SLC9A6: variants seen among roughly 807,000 people sequenced by gnomAD.
SLC9A6 encodes the protein sodium/hydrogen exchanger 6.
SLC9A6 carries 6 observed loss-of-function variants against 45.3 expected under a neutral mutation model. The observed-to-expected ratio is 0.13, with a 90% CI of 0.07 to 0.26. SLC9A6 has a LOEUF of 0.26. Ranked by LOEUF, SLC9A6 falls within the 10% of genes least tolerant of loss-of-function variation. The probability of loss-of-function intolerance (pLI) is 1.00; values close to 1 mark genes in which losing one functional copy is unlikely to be tolerated. For missense variants in SLC9A6, 278 were observed against 503.7 expected (o/e 0.55, Z 4.29); for synonymous variants, 191 against 187.7 (o/e 1.02, Z -0.14).
intron 2 of SLC9A6, among the ~76,000 whole-genome samples, chrX:135,988,447 TTCTC>T (rs1235917201): frequency 9.2e-6 from 1 of 108,914 alleles, no homozygotes; most frequent in Non-Finnish European, 1.9e-5. Context: ...CTTTCTTTCT[TTCTC>T]TCTCTTTTCT....
chrX:136,020,733 C>G (rs1195479784), intron 11 of SLC9A6, among the ~76,000 whole-genome samples: 3 of 112,232 alleles, frequency 2.7e-5, no homozygotes, highest in African/African-American at 9.7e-5. Context: ...AGTTATAATA[C>G]AACTTTTTTA....
intron 7 of SLC9A6, among the ~76,000 whole-genome samples, chrX:136,005,843 G>A (rs1417446132): frequency 1.8e-5 from 2 of 111,761 alleles, no homozygotes; most frequent in Non-Finnish European, 3.8e-5. Flanking sequence ...GGATGATAGC[G>A]AGCTAGTGCC....
chrX:136,016,938 G>A (rs904087730), intron 11 of SLC9A6, among the ~76,000 whole-genome samples, 180 bp downstream of exon 11: 2 of 110,878 alleles, frequency 1.8e-5, no homozygotes, highest in Non-Finnish European at 3.8e-5. Context: ...ATTTCAATTT[G>A]TGGTTATTGC....
chrX:135,982,238 C>T (rs1556614178), upstream of SLC9A6, among the ~76,000 whole-genome samples: 1 of 110,148 alleles, frequency 9.1e-6, no homozygotes, highest in African/African-American at 3.3e-5. Context: ...CAGACAATTC[C>T]TTTGAGAAGC....
In SLC9A6 at chrX:135,985,860, G is replaced by A. The variant is rs782266129; in HGVS notation, c.169+33G>A. On this transcript the variant is annotated intron_variant, in intron 2 of 17. Transcript: ENST00000630721. The stretch of plus-strand genomic sequence containing the variant: ...CCTCAACCCTTGTCAGCCCCTTGGC[G>A]CTGCCCCTTTCTCTGCCCGCCGGCT... 1.8e-5 allele frequency: 22 copies of A among 1,204,217 alleles called. No homozygotes were observed. In the Admixed American group the frequency reaches 3.9e-4, roughly 22 times the overall value.
intron 11 of SLC9A6, among the ~76,000 whole-genome samples, chrX:136,017,561 G>A (rs1371004656): frequency 9.0e-6 from 1 of 111,486 alleles, no homozygotes; most frequent in Non-Finnish European, 1.9e-5. Flanking sequence ...TTCACTGGAA[G>A]GAGAGACAAC....
intron 16 of SLC9A6, among the ~76,000 whole-genome samples, chrX:136,038,484 A>G (rs1054856184): frequency 7.2e-5 from 8 of 111,868 alleles, no homozygotes; most frequent in Non-Finnish European, 1.5e-4. Context: ...TTTATGAACA[A>G]TATTGGCTTG....
intron 2 of SLC9A6, among the ~76,000 whole-genome samples, chrX:135,992,350 A>C (rs985974094): frequency 8.9e-6 from 1 of 112,201 alleles, no homozygotes; most frequent in Admixed American, 9.5e-5. Flanking sequence ...GAATGCCTAC[A>C]GTAGCCCTGT....
intron 16 of SLC9A6, 111 bp downstream of exon 16, chrX:136,033,604 C>T (rs1432780588): frequency 7.4e-6 from 3 of 405,622 alleles, no homozygotes; most frequent in Non-Finnish European, 1.3e-5. Flanking sequence ...ATAAAACCTA[C>T]CTTTCATCTT....
intron 2 of SLC9A6, among the ~76,000 whole-genome samples, chrX:135,987,464 ATAAAG>A (rs1556615100): frequency 8.9e-6 from 1 of 111,797 alleles, no homozygotes; most frequent in Non-Finnish European, 1.9e-5. Flanking sequence ...AATGAGTATT[ATAAAG>A]TAATGAACTG....
At chrX:135,983,488 T>C (rs1481899498), upstream of SLC9A6, 2 of 107,586 alleles carry the variant, frequency 1.9e-5, no homozygotes, top group Non-Finnish European at 3.9e-5. Flanking sequence ...CAGTGCTGGA[T>C]GGAGAGAGAA....
intron 12 of SLC9A6, among the ~76,000 whole-genome samples, chrX:136,023,456 C>T (rs781861508): frequency 9.3e-6 from 1 of 107,496 alleles, no homozygotes; most frequent in East Asian, 3.0e-4. Flanking sequence ...CTATGGAATA[C>T]TACTGTGCAC....
At chrX:136,006,468 T>G (rs1468197453) in intron 7 of SLC9A6, among the ~76,000 whole-genome samples, 12 of 109,429 alleles carry the variant, frequency 1.1e-4, no homozygotes, top group Admixed American at 2.0e-4. Flanking sequence ...ACTGTTTTTT[T>G]TTTTTTTTTT....
chrX:136,035,041 ATTC>A (rs1344496451), intron 16 of SLC9A6, among the ~76,000 whole-genome samples: 4 of 111,992 alleles, frequency 3.6e-5, no homozygotes, highest in Non-Finnish European at 7.5e-5. Context: ...ATAATAGCTT[ATTC>A]TTCTGTATAT....
chrX:135,974,822 G>A (rs1192343725), intron 1 of SLC9A6: 2 of 297,767 alleles, frequency 6.7e-6, no homozygotes, highest in Non-Finnish European at 1.3e-5. Flanking sequence ...GGTGTAGCGC[G>A]GGGGGAGTGT....
At chrX:136,004,644 T>C (rs1324056871) in intron 7 of SLC9A6, among the ~76,000 whole-genome samples, 1 of 112,251 alleles carries the variant, frequency 8.9e-6, no homozygotes, top group Non-Finnish European at 1.9e-5. Context: ...AAACGTTGTA[T>C]GTGAAGATAT....
At position 136,026,447 on chromosome X, in the gene SLC9A6, C is replaced by T. The variant is rs2071226896; in HGVS notation, c.1460+1964C>T. ...GCTAATATCTGTAAAGTTCTTAGCA[C>T]AGCATTTCAAATTACCTTTTATTCA... is the stretch of plus-strand genomic sequence containing the variant. On this transcript the variant is annotated intron_variant, in intron 13 of 17. Transcript: ENST00000630721. Among the ~76,000 whole-genome samples the T allele has an allele frequency of 2.7e-5, 3 of 111,773 alleles. No individual in the cohort carries two copies. In the South Asian group the frequency reaches 1.1e-3, roughly 41 times the overall value.
At chrX:135,974,404 G>A (rs1421042611), upstream of SLC9A6, among the ~76,000 whole-genome samples, 1 of 46,300 alleles carries the variant, frequency 2.2e-5, no homozygotes, top group African/African-American at 9.0e-5. Flanking sequence ...AGGGGGCGGG[G>A]AGGAGGTGGG....
intron 3 of SLC9A6, among the ~76,000 whole-genome samples, chrX:135,997,004 G>C (rs1334164295): frequency 1.8e-5 from 2 of 110,987 alleles, no homozygotes; most frequent in Admixed American, 9.6e-5. Context: ...CTGACTTTGT[G>C]ATCCGCCCGC....
Sources: gnomAD v4.1 joint callset for allele counts (sites outside exome capture counted in the v4.1 genomes callset) on GRCh38, gnomAD v4.1.1 for gene constraint, MANE v1.5 for transcripts, NCBI Gene and HGNC (gene_info 2026-07-23, HGNC 2026-07-21) for gene names.